The following GART variants were observed in gnomAD, a reference collection of about 807,000 sequenced individuals.
The protein encoded by GART is phosphoribosylglycinamide formyltransferase, phosphoribosylglycinamide synthetase, phosphoribosylaminoimidazole synthetase, also known as trifunctional purine biosynthetic protein adenosine-3.
In GART, 43 loss-of-function variants were observed where a neutral mutation model predicts 107.2. The ratio of observed to expected loss-of-function variants is 0.40; its 90% CI spans 0.31 to 0.52. The LOEUF (loss-of-function observed/expected upper bound fraction) is 0.52, where lower values mean the gene tolerates loss of function less well. Ranked by LOEUF, GART falls within the 20% of genes least tolerant of loss-of-function variation. The pLI is 0.52. For missense variants in GART, 1,107 were observed against 1,206.5 expected (o/e 0.92, Z 1.22); for synonymous variants, 434 against 427.0 (o/e 1.02, Z -0.20).
rs766902544 is a variant in GART at position 33,532,421 on chromosome 21, C to T, written c.452G>A (p.Gly151Asp). The T allele has an allele frequency of 6.2e-7, 1 of 1,614,004 alleles. No individual in the cohort carries two copies. The highest frequency in any genetic ancestry group is 1.1e-5 in the South Asian group (1 of 91,090). ...AATCACCCCTTTTCCAGCTGCAAGA[C>T]CACTGGCCTTCACAACCAAAGCAGG... is the stretch of plus-strand genomic sequence containing the variant. ...DFPALVVKAS[G>D]LAAGKGVIVA... The change falls in exon 5 of 22, where the codon GGT (glycine) becomes GAT (aspartate). Residue 151 changes from glycine to aspartate, a missense_variant. Coordinates refer to ENST00000381815, the MANE Select transcript of GART (RefSeq NM_000819.5).
Position 33,524,774 on chromosome 21 carries a change from C to T in GART, c.1293G>A (p.Gln431=). ...TAACTTGCTTAGAGTTTTACCTGGG[C>T]TGCTGGAGGAAAGCTATGGCACGAA... The part of the protein sequence containing the change: ...VGFRAIAFLQ[Q]PRSLTYKESG... Residue 431 remains glutamine, a synonymous_variant, in exon 11 of 22, where the codon CAG becomes CAA. Transcript: ENST00000381815. The T allele has an allele frequency of 6.2e-7, 1 of 1,614,180 alleles. No individual in the cohort carries two copies. Among genetic ancestry groups the T allele is most frequent in the East Asian group, 2.2e-5 (1 of 44,884 alleles).
chr21:33,520,723 C>A, intron 13 of GART, 161 bp from the exon 14 acceptor site: 1 of 704,466 alleles, frequency 1.4e-6, no homozygotes, highest in Non-Finnish European at 2.3e-6. Flanking sequence ...AAGTACCCTT[C>A]CATCCAAATA....
At chr21:33,520,141 G>A (rs901261332) in intron 14 of GART, among the ~76,000 whole-genome samples, 2 of 152,150 alleles carry the variant, frequency 1.3e-5, no homozygotes, top group Non-Finnish European at 2.9e-5. Flanking sequence ...CAGTTTGGGA[G>A]TACGGGTCTA....
rs191399055 is a variant in GART, at chr21:33,511,434, C to T, written c.2132G>A (p.Arg711Lys). Residue 711 changes from arginine to lysine, a missense_variant, in exon 17 of 22, where the codon AGG becomes AAG. By Grantham distance (26) the Arg-to-Lys change is conservative (BLOSUM62 2). Transcript: ENST00000381815. The stretch of plus-strand genomic sequence containing the variant: ...TTCCTGCTGCAACCATGAGAAGACC[C>T]TGGGGATCCTCCAGGTCTGGGCATC... ...DLDAQTWRIP[R>K]VFSWLQQEGH... The T allele has an allele frequency of 6.8e-6, 11 of 1,614,088 alleles. No homozygotes were observed. The Admixed American group carries it at 1.8e-4, about 27-fold the overall frequency.
In GART at chr21:33,515,150, C is replaced by T. The variant is rs552326068; in HGVS notation, c.2107+1839G>A. 6.6e-5 allele frequency among the ~76,000 whole-genome samples: 10 copies of T among 152,316 alleles called. No homozygotes were observed. The South Asian group carries it at 2.1e-3, about 32-fold the overall frequency. ...ACCTTCACCTGTGCCTTCAGTCCTGCTCACTGTCTCACTCCTGTTTGACCT... is the reference window on the plus strand; with the variant it reads ...ACCTTCACCTGTGCCTTCAGTCCTGTTCACTGTCTCACTCCTGTTTGACCT... On this transcript the variant is annotated intron_variant, in intron 16 of 21. Coordinates refer to ENST00000381815, the MANE Select transcript of GART (RefSeq NM_000819.5).
chr21:33,535,373 CT>C (rs1242345975), intron 2 of GART, 53 bp from the exon 3 acceptor site: 3 of 1,107,114 alleles, frequency 2.7e-6, no homozygotes, highest in Non-Finnish European at 3.8e-6. Flanking sequence ...AAACATTCCA[CT>C]TAAGTAAACT....
Position 33,528,220 on chromosome 21 carries a change from A to T in GART, c.1013T>A (p.Val338Asp). The change falls in exon 10 of 22, where the codon GTC becomes GAC. Residue 338 changes from valine (V) to aspartate (D), a missense_variant. Physicochemically the swap from Val to Asp is radical, Grantham distance 152 (BLOSUM62 -3). Coordinates refer to ENST00000381815, the MANE Select transcript of GART (RefSeq NM_000819.5). ...TCCAGGATAACCTTTACTTGCCATG[A>T]CAACAGTTAGGGCGGTGTGGTTTTC... ...WLENHTALTV[V>D]MASKGYPGDY... is the part of the protein sequence containing the mutation. 1 of 1,614,094 alleles carries T rather than the reference A, an allele frequency of 6.2e-7. No homozygotes were observed. The highest frequency in any genetic ancestry group is 8.5e-7 in the Non-Finnish European group (1 of 1,179,994).
chr21:33,509,944 A>G lies in GART; in HGVS notation c.2315-24T>C, dbSNP rs112317539. On this transcript the variant is annotated intron_variant, in intron 17 of 21. Transcript: ENST00000381815. ...ACCTTCATTTCAAACATATCCATAA[A>G]TAAGTAAAGAACAATTGTGAATTAA... is the stretch of plus-strand genomic sequence containing the variant. 17 of 1,593,772 alleles carry G rather than the reference A, an allele frequency of 1.1e-5. No homozygotes were observed. In the African/African-American group the frequency reaches 1.4e-4, roughly 13 times the overall value.
At chr21:33,512,982 C>G (rs1000726902) in intron 16 of GART, among the ~76,000 whole-genome samples, 1 of 151,132 alleles carries the variant, frequency 6.6e-6, no homozygotes, top group African/African-American at 2.4e-5. Flanking sequence ...ATGGCGTGAT[C>G]TCGACTCACT....
rs1210834495 is a variant in GART, at chr21:33,504,292, A to T, written c.2865T>A (p.Ile955=). Residue 955 remains isoleucine, a synonymous_variant, in exon 22 of 22, where the codon ATT becomes ATA. Coordinates refer to ENST00000381815, the MANE Select transcript of GART (RefSeq NM_000819.5). ...FVAEDVDAGQ[I]ILQEAVPVKR... ...TCACGGGAACAGCTTCTTGCAAAAT[A>T]ATCTGTCCAGCATCCACATCTTCCT... The T allele has an allele frequency of 1.2e-6, 2 of 1,614,080 alleles. No individual in the cohort carries two copies. The highest frequency in any genetic ancestry group is 2.7e-5 in the African/African-American group (2 of 74,940).
At chr21:33,515,630 G>A (rs1482784816) in intron 16 of GART, among the ~76,000 whole-genome samples, 1 of 127,686 alleles carries the variant, frequency 7.8e-6, no homozygotes, top group Non-Finnish European at 1.6e-5. Flanking sequence ...CTCCAGCCTG[G>A]CGACAGAGCA....
In GART at chr21:33,506,877, C is replaced by T. The variant is rs548619924; in HGVS notation, c.2453-773G>A. ...AAAACTATGACATATTGTCTCGCCCCGGTTAAAATGGCTTTTATCCAAAAC... is the reference window on the plus strand; with the variant it reads ...AAAACTATGACATATTGTCTCGCCCTGGTTAAAATGGCTTTTATCCAAAAC... On this transcript the variant is annotated intron_variant, in intron 18 of 21. Transcript: ENST00000381815. Among the ~76,000 whole-genome samples the T allele has an allele frequency of 1.4e-4, 22 of 152,186 alleles. No homozygotes were observed. The South Asian group carries it at 2.7e-3, about 19-fold the overall frequency.
In GART at chr21:33,537,095, A is replaced by G. The variant is rs144506689; in HGVS notation, c.146-1775T>C. On this transcript the variant is annotated intron_variant, in intron 2 of 21. Transcript: ENST00000381815. ...ACAACTAGGCTGAGCAGCGTCAACT[A>G]TATCAGTATAGCAGAGGGCAACAAG... 5.0e-3 allele frequency among the ~76,000 whole-genome samples: 758 copies of G among 152,278 alleles called. 3 individuals are homozygous for G. The highest frequency in any genetic ancestry group is 7.8e-3 in the Non-Finnish European group (532 of 68,026).
chr21:33,512,289 G>GAAAAATAA, intron 16 of GART, among the ~76,000 whole-genome samples: 1 of 65,444 alleles, frequency 1.5e-5, no homozygotes, highest in Non-Finnish European at 2.7e-5. Flanking sequence ...GACTCAAATT[G>GAAAAATAA]AAAAAAAAAA....
chr21:33,539,435 G>A, intron 1 of GART, 79 bp from the exon 2 acceptor site: 7 of 1,079,748 alleles, frequency 6.5e-6, no homozygotes, highest in Non-Finnish European at 9.1e-6. Flanking sequence ...GCTCATGCCT[G>A]TACCCCCAGC....
intron 18 of GART, among the ~76,000 whole-genome samples, chr21:33,508,581 A>G (rs962508263): frequency 1.4e-5 from 2 of 140,620 alleles, no homozygotes; most frequent in Non-Finnish European, 3.0e-5. Flanking sequence ...ACAGTGGTGC[A>G]ATCTCAGCTC....
intron 2 of GART, 140 bp downstream of exon 2, chr21:33,539,031 C>T (rs2085356441): frequency 1.6e-5 from 10 of 641,578 alleles, no homozygotes; most frequent in East Asian, 6.7e-5. Flanking sequence ...CCGCATATCT[C>T]GGCCTCCCAA....
intron 18 of GART, among the ~76,000 whole-genome samples, chr21:33,507,165 C>G (rs1185442706): frequency 2.0e-5 from 3 of 152,022 alleles, no homozygotes; most frequent in Non-Finnish European, 4.4e-5. Context: ...TATCAGCAGA[C>G]AAATGGATAA....
chr21:33,542,273 C>T (rs1234955551), upstream of GART: 2 of 152,358 alleles, frequency 1.3e-5, no homozygotes, highest in East Asian at 1.9e-4. Flanking sequence ...GCTCCCCAGC[C>T]GAGACACCCA....
Sources: gnomAD v4.1 joint callset for allele counts (sites outside exome capture counted in the v4.1 genomes callset) on GRCh38, gnomAD v4.1.1 for gene constraint, MANE v1.5 for transcripts, NCBI Gene and HGNC (gene_info 2026-07-23, HGNC 2026-07-21) for gene names.